Variants in TBC1D22A observed in about 807,000 individuals in gnomAD.
The protein encoded by TBC1D22A is TBC1 domain family member 22A.
TBC1D22A carries 38 observed loss-of-function variants against 60.2 expected under a neutral mutation model. The ratio of observed to expected loss-of-function variants is 0.63; its 90% CI spans 0.49 to 0.83. The LOEUF is 0.83. TBC1D22A is among the 40% of genes least tolerant of loss of function. The probability of loss-of-function intolerance (pLI) is 0.00; values close to 1 mark genes in which losing one functional copy is unlikely to be tolerated. For synonymous variants in TBC1D22A, 302 were observed against 281.7 expected (o/e 1.07, Z -0.72); for missense variants, 628 against 701.0 (o/e 0.90, Z 1.18).
chr22:46,891,506 C>A, intron 6 of TBC1D22A, 112 bp downstream of exon 6: 1 of 1,189,530 alleles, frequency 8.4e-7, no homozygotes, highest in Non-Finnish European at 1.1e-6. Context: ...GTTAAAGATG[C>A]AGGTCCCTGA....
intron 8 of TBC1D22A, among the ~76,000 whole-genome samples, chr22:46,939,171 A>G (rs967112828): frequency 2.8e-4 from 43 of 152,152 alleles, no homozygotes; most frequent in Non-Finnish European, 2.4e-4. Context: ...TGGCAGAGGA[A>G]GACATTTCAC....
intron 10 of TBC1D22A, among the ~76,000 whole-genome samples, chr22:47,003,120 G>A (rs907905477): frequency 6.6e-6 from 1 of 152,074 alleles, no homozygotes; most frequent in African/African-American, 2.4e-5. Context: ...AATAGAGAAC[G>A]TCTAGTTAAA....
chr22:46,826,963 G>C (rs1265534804), intron 4 of TBC1D22A, among the ~76,000 whole-genome samples: 2 of 149,134 alleles, frequency 1.3e-5, no homozygotes. Flanking sequence ...TTTTTTGAAA[G>C]ACAGATTAGC....
At chr22:46,910,546 T>C (rs1193097982) in intron 7 of TBC1D22A, among the ~76,000 whole-genome samples, 1 of 152,166 alleles carries the variant, frequency 6.6e-6, no homozygotes, top group Non-Finnish European at 1.5e-5. Flanking sequence ...CTTGTTTGTA[T>C]GGACAGGCCT....
chr22:46,826,303 CT>C (rs149833839), intron 4 of TBC1D22A, among the ~76,000 whole-genome samples: 2 of 152,340 alleles, frequency 1.3e-5, no homozygotes, highest in South Asian at 2.1e-4. Flanking sequence ...CTGGCCGCCC[CT>C]GTTCTCCATT....
chr22:46,819,692 A>G (rs1293750484), intron 4 of TBC1D22A, among the ~76,000 whole-genome samples: 1 of 152,174 alleles, frequency 6.6e-6, no homozygotes, highest in Admixed American at 6.5e-5. Flanking sequence ...ATTGGCCTGA[A>G]GTTTTCTTTT....
chr22:46,773,876 C>T (rs2083591353), intron 1 of TBC1D22A: 4 of 933,918 alleles, frequency 4.3e-6, no homozygotes, highest in Non-Finnish European at 5.1e-6. Context: ...AGCTGAGCTA[C>T]GTGCTCAAAG....
In TBC1D22A at chr22:47,174,804, G is replaced by C. The variant is rs1478174176; in HGVS notation, c.*1178G>C. ...GTTCCCGCTGTGGACTGGTTCCTTG[G>C]GGCTCTAAGTGCGGAAGGGCCCAGA... On this transcript the variant is annotated 3_prime_UTR_variant, in exon 13 of 13. Coordinates refer to ENST00000337137, the MANE Select transcript of TBC1D22A (RefSeq NM_014346.5). 2 of 146,842 alleles carry C rather than the reference G, an allele frequency of 1.4e-5. No homozygotes were observed. The highest frequency in any genetic ancestry group is 4.9e-5 in the African/African-American group (2 of 40,998). The allele number at this position is 146,842 out of a possible 1,614,324, so 9.1% of individuals were successfully genotyped here. A position where few individuals can be genotyped will look rare whatever the true frequency, so the allele number is the denominator to read the frequency against.
rs2083138098 is a variant in TBC1D22A, at chr22:46,762,654, G to A, written c.-133G>A. On this transcript the variant is annotated 5_prime_UTR_variant, in exon 1 of 13. Transcript: ENST00000337137. The stretch of plus-strand genomic sequence containing the variant: ...GCACAACTTCCGGAAGGAGGCGGAA[G>A]AGCTTCTCGGCTCTAGGCTCTGGAG... 5 of 690,700 alleles carry A rather than the reference G, an allele frequency of 7.2e-6. No homozygotes were observed. Among genetic ancestry groups the A allele is most frequent in the African/African-American group, 1.9e-5 (1 of 53,010 alleles). 42.8% of individuals were successfully genotyped at this position (690,700 alleles called of 1,614,324 possible). A position where few individuals can be genotyped will look rare whatever the true frequency, so the allele number is the denominator to read the frequency against.
intron 12 of TBC1D22A, among the ~76,000 whole-genome samples, chr22:47,159,929 TCA>T (rs931230544): frequency 6.6e-6 from 1 of 150,926 alleles, no homozygotes; most frequent in Non-Finnish European, 1.5e-5. Context: ...CATACATGTG[TCA>T]CATGCACATC....
rs116170223 is a variant in TBC1D22A at position 47,071,194 on chromosome 22, G to T, written c.1329+33996G>T. 3.3e-5 allele frequency among the ~76,000 whole-genome samples: 5 copies of T among 152,320 alleles called. No homozygotes were observed. The East Asian group carries it at 5.8e-4, about 18-fold the overall frequency. On this transcript the variant is annotated intron_variant, in intron 11 of 12. Coordinates refer to ENST00000337137, the MANE Select transcript of TBC1D22A (RefSeq NM_014346.5). The stretch of plus-strand genomic sequence containing the variant: ...CAAATAAAACCACAGTAATTTCCAC[G>T]TATTAAGAGCCCACATGCGCCTATC...
intron 7 of TBC1D22A, among the ~76,000 whole-genome samples, chr22:46,898,958 C>T (rs2068832644): frequency 6.6e-6 from 1 of 152,124 alleles, no homozygotes; most frequent in East Asian, 1.9e-4. Context: ...TATGTGCTCC[C>T]CCTGGGGGTG....
intron 3 of TBC1D22A, among the ~76,000 whole-genome samples, chr22:46,794,090 G>A (rs1601889781): frequency 6.6e-6 from 1 of 152,176 alleles, no homozygotes. Context: ...GAGGCTTCTG[G>A]CCTAGCTACG....
chr22:46,898,133 TA>T (rs1201517981), intron 7 of TBC1D22A, among the ~76,000 whole-genome samples: 22 of 152,204 alleles, frequency 1.4e-4, no homozygotes, highest in African/African-American at 4.8e-4. Flanking sequence ...ACCTTTGGTT[TA>T]TTCTTATTTA....
chr22:46,948,677 C>T (rs1323621824), intron 8 of TBC1D22A, among the ~76,000 whole-genome samples: 1 of 152,198 alleles, frequency 6.6e-6, no homozygotes, highest in Non-Finnish European at 1.5e-5. Context: ...TCTTTGTCCC[C>T]GTGGGGCAGA....
chr22:47,174,877 G>C lies in TBC1D22A; in HGVS notation c.*1251G>C, dbSNP rs1156545416. ...GCTAGGGCTGTGTCCTTGGCTCCAG[G>C]GGCCTTGGGACTGGCTTCCCAGCGT... On this transcript the variant is annotated 3_prime_UTR_variant, in exon 13 of 13. Transcript: ENST00000337137. The C allele has an allele frequency of 6.6e-6, 1 of 152,328 alleles. No homozygotes were observed. Among genetic ancestry groups the C allele is most frequent in the Non-Finnish European group, 1.5e-5 (1 of 68,122 alleles). 9.4% of individuals were successfully genotyped at this position (152,328 alleles called of 1,614,324 possible).
intron 11 of TBC1D22A, among the ~76,000 whole-genome samples, chr22:47,054,378 T>C (rs1184488329): frequency 6.6e-6 from 1 of 152,122 alleles, no homozygotes; most frequent in African/African-American, 2.4e-5. Context: ...GAGGCACCAC[T>C]CGAGGTGAGG....
intron 1 of TBC1D22A, among the ~76,000 whole-genome samples, chr22:46,784,840 A>G (rs2084090904): frequency 6.6e-6 from 1 of 152,254 alleles, no homozygotes; most frequent in Admixed American, 6.5e-5. Context: ...ATATACGGTT[A>G]TCTCATTTCA....
chr22:46,826,217 T>C (rs2086059416), intron 4 of TBC1D22A, among the ~76,000 whole-genome samples: 1 of 152,332 alleles, frequency 6.6e-6, no homozygotes, highest in East Asian at 1.9e-4. Context: ...TGGCCCTTTG[T>C]GTGACTGGAT....
Sources: gnomAD v4.1 joint callset for allele counts (sites outside exome capture counted in the v4.1 genomes callset) on GRCh38, gnomAD v4.1.1 for gene constraint, MANE v1.5 for transcripts, NCBI Gene and HGNC (gene_info 2026-07-23, HGNC 2026-07-21) for gene names.